SGCZ: variants seen among roughly 807,000 people sequenced by gnomAD.
SGCZ encodes the protein sarcoglycan zeta.
Under a neutral mutation model 41.3 loss-of-function variants are expected in SGCZ, and 40 were observed. That is an observed-to-expected ratio of 0.97 (90% CI 0.75 to 1.26). The LOEUF (loss-of-function observed/expected upper bound fraction) is 1.26. SGCZ is among the 50% of genes most tolerant of loss of function. The pLI, the probability that SGCZ is intolerant of heterozygous loss-of-function variation, is 0.00. For synonymous variants in SGCZ, 206 were observed against 137.5 expected, an observed-to-expected ratio of 1.50 and a Z score of -3.49; for missense variants, 552 against 369.8, an observed-to-expected ratio of 1.49 and a Z score of -4.04.
Position 15,148,029 on chromosome 8 carries a change from C to A in SGCZ, c.39+89556G>T, listed in dbSNP as rs986622704. ...GTCCTGTGGTCCAAATTTACATTTT[C>A]TCTCTTTTCATTCTCAGAAGGGCTC... On this transcript the variant is annotated intron_variant, in intron 1 of 7. Coordinates refer to ENST00000382080, the MANE Select transcript of SGCZ (RefSeq NM_139167.4). 1.2e-4 allele frequency among the ~76,000 whole-genome samples: 18 copies of A among 150,486 alleles called. 1 individual carries two copies. The highest frequency in any genetic ancestry group is 4.3e-4 in the African/African-American group (17 of 39,972).
chr8:14,439,627 T>TA (rs549923204), intron 2 of SGCZ, among the ~76,000 whole-genome samples: 26 of 151,722 alleles, frequency 1.7e-4, no homozygotes, highest in Admixed American at 1.3e-3. Flanking sequence ...AGCTCCATAT[T>TA]AAAAAAATCA....
chr8:14,725,459 C>T (rs1810018680), intron 1 of SGCZ, among the ~76,000 whole-genome samples: 1 of 152,136 alleles, frequency 6.6e-6, no homozygotes, highest in East Asian at 1.9e-4. Flanking sequence ...ACAAGTGATT[C>T]CCTTTCTCTG....
chr8:14,978,417 G>C (rs1294693554), intron 1 of SGCZ, among the ~76,000 whole-genome samples: 1 of 112,538 alleles, frequency 8.9e-6, no homozygotes, highest in African/African-American at 4.6e-5. Context: ...GTTGTAGTGA[G>C]CCAAGATCGC....
rs548657332 is a variant in SGCZ at position 14,882,656 on chromosome 8, T to C, written c.40-327730A>G. Among the ~76,000 whole-genome samples, 7 of 152,284 alleles carry C rather than the reference T, an allele frequency of 4.6e-5. No individual in the cohort carries two copies. The South Asian group carries it at 1.5e-3, about 32-fold the overall frequency. The stretch of plus-strand genomic sequence containing the variant: ...TCCAGTTTATTGTCCACCACCTATA[T>C]TTCTTTTTCTCAAATCCCATTGTTT... On this transcript the variant is annotated intron_variant, in intron 1 of 7. Transcript: ENST00000382080.
At chr8:14,561,212 G>T (rs1484034082) in intron 1 of SGCZ, among the ~76,000 whole-genome samples, 6 of 152,094 alleles carry the variant, frequency 3.9e-5, no homozygotes, top group African/African-American at 1.2e-4. Context: ...GTTTAATATT[G>T]CCATTTTTAA....
At position 14,488,542 on chromosome 8, in the gene SGCZ, C is replaced by T. The variant is rs570537952; in HGVS notation, c.234+66190G>A. Among the ~76,000 whole-genome samples the T allele has an allele frequency of 3.9e-5, 6 of 152,210 alleles. No individual in the cohort carries two copies. The East Asian group carries it at 9.7e-4, about 25-fold the overall frequency. ...CCCTAGCCTCTAGCCAGTTTTACAACATGGAAATGCCTCTCAAGGATCTCG... is the reference window on the plus strand; with the variant it reads ...CCCTAGCCTCTAGCCAGTTTTACAATATGGAAATGCCTCTCAAGGATCTCG... On this transcript the variant is annotated intron_variant, in intron 2 of 7. Coordinates refer to ENST00000382080, the MANE Select transcript of SGCZ (RefSeq NM_139167.4).
chr8:14,817,265 C>G (rs759918737), intron 1 of SGCZ, among the ~76,000 whole-genome samples: 2 of 152,106 alleles, frequency 1.3e-5, no homozygotes, highest in Non-Finnish European at 2.9e-5. Context: ...ACAGGATCAG[C>G]TCAGCATCAT....
chr8:14,675,105 A>AT (rs1028640875), intron 1 of SGCZ, among the ~76,000 whole-genome samples: 17 of 149,810 alleles, frequency 1.1e-4, no homozygotes, highest in African/African-American at 2.5e-4. Flanking sequence ...CGCCTGGCTA[A>AT]TTTTTTTTGT....
At chr8:14,816,324 C>G (rs1176506749) in intron 1 of SGCZ, among the ~76,000 whole-genome samples, 1 of 152,148 alleles carries the variant, frequency 6.6e-6, no homozygotes, top group Non-Finnish European at 1.5e-5. Flanking sequence ...ACATTACCAG[C>G]CCACAGTTCC....
intron 1 of SGCZ, among the ~76,000 whole-genome samples, chr8:14,862,400 TC>T (rs1205629770): frequency 6.6e-6 from 1 of 151,736 alleles, no homozygotes; most frequent in African/African-American, 2.4e-5. Flanking sequence ...ATGGAGAACA[TC>T]ATCTATGCGT....
At chr8:15,030,386 A>G (rs907949172) in intron 1 of SGCZ, among the ~76,000 whole-genome samples, 1 of 152,174 alleles carries the variant, frequency 6.6e-6, no homozygotes, top group African/African-American at 2.4e-5. Flanking sequence ...AAAGCAGTAA[A>G]AAAAAGGTTT....
Position 14,341,523 on chromosome 8 carries a change from C to T in SGCZ, c.235-17319G>A, listed in dbSNP as rs150968410. 2.0e-3 allele frequency among the ~76,000 whole-genome samples: 297 copies of T among 152,206 alleles called. 1 individual carries two copies. The highest frequency in any genetic ancestry group is 6.8e-3 in the Middle Eastern group (2 of 294). On this transcript the variant is annotated intron_variant, in intron 2 of 7. Transcript: ENST00000382080. Reference sequence around the variant, plus strand: ...TTTGAGCTAGCTAGGTTTGAAGTGACAAGACGCTGAAAATCAGAGATGTTT... The same window carrying T: ...TTTGAGCTAGCTAGGTTTGAAGTGATAAGACGCTGAAAATCAGAGATGTTT...
At chr8:14,254,469 G>C (rs964737579) in intron 3 of SGCZ, among the ~76,000 whole-genome samples, 2 of 152,148 alleles carry the variant, frequency 1.3e-5, no homozygotes, top group Non-Finnish European at 2.9e-5. Flanking sequence ...GATATAGTCA[G>C]ATGTTATCTT....
intron 1 of SGCZ, among the ~76,000 whole-genome samples, chr8:14,827,236 C>CTTTTTTTTTTTT (rs36071307): frequency 8.2e-6 from 1 of 122,322 alleles, no homozygotes; most frequent in Non-Finnish European, 1.7e-5. Flanking sequence ...CTTTTCTTTT[C>CTTTTTTTTTTTT]TTTTTTTTTT....
intron 2 of SGCZ, among the ~76,000 whole-genome samples, chr8:14,459,193 C>T (rs1025815118): frequency 1.3e-5 from 2 of 151,968 alleles, no homozygotes; most frequent in Non-Finnish European, 2.9e-5. Flanking sequence ...CGCATGTTTT[C>T]ACTCATAGGT....
chr8:15,181,547 T>G (rs1427872158), intron 1 of SGCZ, among the ~76,000 whole-genome samples: 1 of 152,182 alleles, frequency 6.6e-6, no homozygotes, highest in Non-Finnish European at 1.5e-5. Context: ...TACTAGAAAC[T>G]GTAGTGTCAA....
chr8:14,348,920 G>GA (rs1802989084), intron 2 of SGCZ, among the ~76,000 whole-genome samples: 1 of 151,972 alleles, frequency 6.6e-6, no homozygotes, highest in Admixed American at 6.6e-5. Flanking sequence ...CGCAGCAATG[G>GA]AAAGTATATA....
In SGCZ at chr8:14,290,683, C is replaced by G. The variant is rs185527627; in HGVS notation, c.336+33420G>C. Among the ~76,000 whole-genome samples the G allele has an allele frequency of 3.2e-4, 48 of 152,012 alleles. No homozygotes were observed. The East Asian group carries it at 7.8e-3, about 25-fold the overall frequency. On this transcript the variant is annotated intron_variant, in intron 3 of 7. Coordinates refer to ENST00000382080, the MANE Select transcript of SGCZ (RefSeq NM_139167.4). ...TGGCTAGTATATAAAAATTAAAAGA[C>G]ACCCAGTGTCAATAAGAATGTGGAG... is the stretch of plus-strand genomic sequence containing the variant.
chr8:14,615,928 A>C (rs2117353984), intron 1 of SGCZ, among the ~76,000 whole-genome samples: 1 of 152,274 alleles, frequency 6.6e-6, no homozygotes, highest in East Asian at 1.9e-4. Flanking sequence ...CACTTAGAAT[A>C]AGTTCTGGCC....
Sources: allele counts gnomAD v4.1 joint callset (sites outside exome capture counted in the v4.1 genomes callset), GRCh38; gene constraint gnomAD v4.1.1; transcripts MANE v1.5; gene names NCBI Gene and HGNC (gene_info 2026-07-23, HGNC 2026-07-21).